ZFPM2: variants seen among roughly 807,000 people sequenced by gnomAD.
ZFPM2 encodes the protein zinc finger protein, FOG family member 2.
In ZFPM2, 20 loss-of-function variants were observed where a neutral mutation model predicts 98.6. The ratio of observed to expected loss-of-function variants is 0.20; its 90% CI spans 0.14 to 0.29. The LOEUF (loss-of-function observed/expected upper bound fraction) is 0.29. ZFPM2 is among the 10% of genes least tolerant of loss of function. ZFPM2 has a pLI of 1.00. For missense variants in ZFPM2, 1,310 were observed against 1,388.6 expected (o/e 0.94, Z 0.90); for synonymous variants, 518 against 502.7 (o/e 1.03, Z -0.41).
intron 5 of ZFPM2, among the ~76,000 whole-genome samples, chr8:105,687,918 T>G (rs1810778714): frequency 2.0e-5 from 3 of 151,986 alleles, no homozygotes; most frequent in African/African-American, 4.8e-5. Context: ...ATATAAATTT[T>G]TAAGCTCTGA....
intron 1 of ZFPM2, among the ~76,000 whole-genome samples, chr8:105,399,478 C>T (rs1437436448): frequency 6.6e-6 from 1 of 152,154 alleles, no homozygotes; most frequent in African/African-American, 2.4e-5. Flanking sequence ...CGACTCCTCA[C>T]TTTGGGGCTT....
intron 4 of ZFPM2, among the ~76,000 whole-genome samples, chr8:105,628,580 C>T (rs932516875): frequency 6.6e-6 from 1 of 152,158 alleles, no homozygotes; most frequent in African/African-American, 2.4e-5. Flanking sequence ...ACCCCAGCCT[C>T]AGCTGGTAGA....
intron 5 of ZFPM2, among the ~76,000 whole-genome samples, chr8:105,753,431 A>G (rs1812522551): frequency 6.6e-6 from 1 of 152,154 alleles, no homozygotes; most frequent in Non-Finnish European, 1.5e-5. Context: ...GTTCTTGGGA[A>G]TAGTCTTCAG....
At chr8:105,362,101 C>T (rs1414051098) in intron 1 of ZFPM2, among the ~76,000 whole-genome samples, 1 of 151,764 alleles carries the variant, frequency 6.6e-6, no homozygotes, top group Non-Finnish European at 1.5e-5. Flanking sequence ...TTTTTAAATC[C>T]TACGGTATAT....
intron 3 of ZFPM2, among the ~76,000 whole-genome samples, chr8:105,507,254 G>T (rs1355345371): frequency 1.3e-5 from 2 of 152,194 alleles, no homozygotes; most frequent in African/African-American, 4.8e-5. Flanking sequence ...CAATGCTGCA[G>T]ACCACACAAA....
chr8:105,648,949 G>A (rs767881912), intron 5 of ZFPM2, among the ~76,000 whole-genome samples: 3 of 152,062 alleles, frequency 2.0e-5, no homozygotes, highest in Non-Finnish European at 2.9e-5. Context: ...ATGGCATTCA[G>A]TCTATAAATT....
At chr8:105,533,516 C>T (rs1347896449) in intron 3 of ZFPM2, among the ~76,000 whole-genome samples, 1 of 152,028 alleles carries the variant, frequency 6.6e-6, no homozygotes, top group Non-Finnish European at 1.5e-5. Flanking sequence ...ATAAGGTATT[C>T]CTGAAGAATT....
intron 1 of ZFPM2, among the ~76,000 whole-genome samples, chr8:105,404,275 G>A (rs926556507): frequency 6.6e-6 from 1 of 151,942 alleles, no homozygotes; most frequent in African/African-American, 2.4e-5. Flanking sequence ...GGAACATATT[G>A]GAAGTGTACC....
intron 2 of ZFPM2, among the ~76,000 whole-genome samples, chr8:105,436,035 C>G (rs995937388): frequency 2.0e-5 from 3 of 152,030 alleles, no homozygotes; most frequent in Non-Finnish European, 4.4e-5. Flanking sequence ...AATTAATTAG[C>G]AAGTGTAATG....
At chr8:105,350,804 C>T (rs891305247) in intron 1 of ZFPM2, among the ~76,000 whole-genome samples, 2 of 152,138 alleles carry the variant, frequency 1.3e-5, no homozygotes, top group Non-Finnish European at 2.9e-5. Flanking sequence ...TCTTATTTCA[C>T]AGTTGAACTA....
At chr8:105,573,643 G>T (rs181420194) in intron 4 of ZFPM2, among the ~76,000 whole-genome samples, 101 of 152,234 alleles carry the variant, frequency 6.6e-4, no homozygotes, top group Non-Finnish European at 5.7e-4. Flanking sequence ...AATTTATTTA[G>T]ATATTAATTT....
chr8:105,355,216 T>G (rs1812718695), intron 1 of ZFPM2, among the ~76,000 whole-genome samples: 1 of 152,226 alleles, frequency 6.6e-6, no homozygotes, highest in Admixed American at 6.5e-5. Flanking sequence ...AATATATCGC[T>G]AAGGATGTTT....
chr8:105,390,617 A>C lies in ZFPM2; in HGVS notation c.41-28527A>C, dbSNP rs149550338. ...TATCCTCCTCTACAGTGAGGGGCCT[A>C]CTTTGAAAGACAGAGACATTCCTAT... On this transcript the variant is annotated intron_variant, in intron 1 of 7. Coordinates refer to ENST00000407775, the MANE Select transcript of ZFPM2 (RefSeq NM_012082.4). 2.7e-3 allele frequency among the ~76,000 whole-genome samples: 415 copies of C among 152,282 alleles called. 6 individuals carry two copies. The highest frequency in any genetic ancestry group is 0.019 in the Admixed American group (289 of 15,296).
chr8:105,640,963 G>A (rs375339499), intron 5 of ZFPM2, among the ~76,000 whole-genome samples: 10 of 151,944 alleles, frequency 6.6e-5, no homozygotes, highest in Admixed American at 4.6e-4. Flanking sequence ...GTGAGTGCCC[G>A]AACTAAATAT....
At chr8:105,505,557 A>G (rs1429913318) in intron 3 of ZFPM2, among the ~76,000 whole-genome samples, 1 of 152,052 alleles carries the variant, frequency 6.6e-6, no homozygotes, top group African/African-American at 2.4e-5. Context: ...TTCTGTTGAC[A>G]TTCTAATAAA....
chr8:105,450,968 A>G (rs955303530), intron 3 of ZFPM2, among the ~76,000 whole-genome samples: 10 of 151,794 alleles, frequency 6.6e-5, no homozygotes, highest in African/African-American at 2.2e-4. Flanking sequence ...TAGGACAGAC[A>G]TAAACACAAC....
At chr8:105,620,145 C>G (rs1816505474) in intron 4 of ZFPM2, among the ~76,000 whole-genome samples, 1 of 152,166 alleles carries the variant, frequency 6.6e-6, no homozygotes, top group South Asian at 2.1e-4. Flanking sequence ...TACAGTCCCA[C>G]CAACAGTGTA....
chr8:105,375,653 G>A (rs1164972695), intron 1 of ZFPM2, among the ~76,000 whole-genome samples: 2 of 152,122 alleles, frequency 1.3e-5, no homozygotes, highest in African/African-American at 4.8e-5. Context: ...AGGCAGATGA[G>A]GCCTTGGTAT....
intron 1 of ZFPM2, among the ~76,000 whole-genome samples, chr8:105,321,134 T>A (rs969222779): frequency 1.3e-5 from 2 of 152,124 alleles, no homozygotes; most frequent in Non-Finnish European, 2.9e-5. Context: ...TTTTAGGGGG[T>A]GGGGGAGATA....
Sources: allele counts gnomAD v4.1 joint callset (sites outside exome capture counted in the v4.1 genomes callset), GRCh38; gene constraint gnomAD v4.1.1; transcripts MANE v1.5; gene names NCBI Gene and HGNC (gene_info 2026-07-23, HGNC 2026-07-21).